The following MYCBP2 variants were observed in gnomAD, a reference collection of about 807,000 sequenced individuals.
MYCBP2 encodes the protein MYC binding protein 2.
MYCBP2 carries 120 observed loss-of-function variants against 525.3 expected under a neutral mutation model. The observed-to-expected ratio is 0.23, with a 90% CI of 0.20 to 0.27. The LOEUF (loss-of-function observed/expected upper bound fraction) is 0.27, where lower values mean the gene tolerates loss of function less well. MYCBP2 is among the 10% of genes least tolerant of loss of function. The pLI is 1.00. For missense variants in MYCBP2, 4,149 were observed against 5,657.1 expected, an observed-to-expected ratio of 0.73 and a Z score of 8.55; for synonymous variants, 1,894 against 1,955.8, an observed-to-expected ratio of 0.97 and a Z score of 0.83.
At chr13:77,064,810 C>T in intron 72 of MYCBP2, 76 bp from the exon 73 acceptor site, 1 of 1,312,456 alleles carries the variant, frequency 7.6e-7, no homozygotes, top group East Asian at 2.6e-5. Context: ...TCTTAAATAA[C>T]ATCTCCTATC....
At position 77,045,336 on chromosome 13, in the gene MYCBP2, T is replaced by A; in HGVS notation, c.*42A>T. ...AACTTCACCGCATCCTCTTGGGGGATGAAGGCAATTTTTCTCTCTGTAGAC... is the reference window on the plus strand; with the variant it reads ...AACTTCACCGCATCCTCTTGGGGGAAGAAGGCAATTTTTCTCTCTGTAGAC... On this transcript the variant is annotated 3_prime_UTR_variant, in exon 83 of 83. Transcript: ENST00000544440. 6.9e-7 allele frequency: 1 copy of A among 1,456,798 alleles called. No homozygotes were observed. Among genetic ancestry groups the A allele is most frequent in the Non-Finnish European group, 9.6e-7 (1 of 1,040,284 alleles). 90.2% of individuals were successfully genotyped at this position (1,456,798 alleles called of 1,614,324 possible). A position where few individuals can be genotyped will look rare whatever the true frequency, so the allele number is the denominator to read the frequency against.
intron 66 of MYCBP2, 77 bp from the exon 67 acceptor site, chr13:77,077,464 C>A (rs2042509673): frequency 2.6e-6 from 4 of 1,530,890 alleles, no homozygotes; most frequent in Non-Finnish European, 3.5e-6. Flanking sequence ...AGCATTGATA[C>A]CAGCAAGCTC....
chr13:77,136,138 G>A (rs1029396690), intron 52 of MYCBP2, among the ~76,000 whole-genome samples: 2 of 152,112 alleles, frequency 1.3e-5, no homozygotes, highest in African/African-American at 4.8e-5. Context: ...CTTTAACTTT[G>A]TGAGTCACAT....
At chr13:77,271,037 ATTTGT>A (rs1025574960) in intron 5 of MYCBP2, among the ~76,000 whole-genome samples, 9 of 151,538 alleles carry the variant, frequency 5.9e-5, no homozygotes, top group African/African-American at 2.2e-4. Context: ...TAGGAGTTCG[ATTTGT>A]TTTTTTTCCT....
intron 1 of MYCBP2, among the ~76,000 whole-genome samples, chr13:77,301,143 G>A (rs574962435): frequency 6.6e-6 from 1 of 151,550 alleles, no homozygotes; most frequent in Non-Finnish European, 1.5e-5. Flanking sequence ...GGCTGGGCGC[G>A]GTGGCTCACA....
intron 55 of MYCBP2, among the ~76,000 whole-genome samples, chr13:77,102,159 T>C (rs2047166915): frequency 6.6e-6 from 1 of 151,852 alleles, no homozygotes; most frequent in Non-Finnish European, 1.5e-5. Flanking sequence ...TCTTAAATTA[T>C]CAGGATCATA....
intron 1 of MYCBP2, among the ~76,000 whole-genome samples, chr13:77,319,494 C>T (rs2081341930): frequency 6.6e-6 from 1 of 152,086 alleles, no homozygotes; most frequent in Non-Finnish European, 1.5e-5. Flanking sequence ...TAGATTTTTC[C>T]TCTTACTGTA....
Position 77,057,101 on chromosome 13 carries a change from A to C in MYCBP2, c.13330-8T>G. 6.3e-7 allele frequency: 1 copy of C among 1,584,238 alleles called. No individual in the cohort carries two copies. The highest frequency in any genetic ancestry group is 8.7e-7 in the Non-Finnish European group (1 of 1,153,278). On this transcript the variant is annotated splice_region_variant and splice_polypyrimidine_tract_variant and intron_variant, in intron 78 of 82. Transcript: ENST00000544440. Reference sequence around the variant, plus strand: ...TATGTGACTACAATCCAGCTTAAATAAACAAAAGAAAAGGACATAAGCAAA... The same window carrying C: ...TATGTGACTACAATCCAGCTTAAATCAACAAAAGAAAAGGACATAAGCAAA...
chr13:77,165,223 C>T (rs766945486), intron 42 of MYCBP2, 50 bp downstream of exon 42: 8 of 1,488,056 alleles, frequency 5.4e-6, no homozygotes, highest in Non-Finnish European at 7.5e-6. Context: ...CTCACTAGCC[C>T]TTAGAAACAC....
chr13:77,201,703 A>T lies in MYCBP2; in HGVS notation c.3843+3553T>A, dbSNP rs2062595613. ...ATTATAACAAACTGTCTCTCAGACC[A>T]CAGTGCAATCAAACTAGAACTCAGG... On this transcript the variant is annotated intron_variant, in intron 26 of 82. Transcript: ENST00000544440. Among the ~76,000 whole-genome samples the T allele has an allele frequency of 2.6e-5, 4 of 152,200 alleles. 1 individual carries two copies. The highest frequency in any genetic ancestry group is 4.2e-4 in the South Asian group (2 of 4,814).
chr13:77,155,366 C>T (rs937237440), intron 46 of MYCBP2, among the ~76,000 whole-genome samples: 1 of 152,104 alleles, frequency 6.6e-6, no homozygotes, highest in African/African-American at 2.4e-5. Context: ...TTCAAACAAC[C>T]AATCACTCTA....
intron 14 of MYCBP2, among the ~76,000 whole-genome samples, chr13:77,254,375 A>AT (rs890018120): frequency 4.0e-5 from 6 of 151,476 alleles, no homozygotes; most frequent in African/African-American, 1.5e-4. Context: ...CTTATCTGTG[A>AT]TTTTTTTTTA....
chr13:77,165,909 A>C (rs2058470626), intron 41 of MYCBP2, among the ~76,000 whole-genome samples: 1 of 152,204 alleles, frequency 6.6e-6, no homozygotes, highest in Non-Finnish European at 1.5e-5. Context: ...TTTAAAACAT[A>C]GTTTCTCTTC....
chr13:77,165,145 G>A, intron 42 of MYCBP2, 128 bp downstream of exon 42: 1 of 715,688 alleles, frequency 1.4e-6, no homozygotes, highest in African/African-American at 1.8e-5. Flanking sequence ...ACAGGTGTGA[G>A]CCACTGCACC....
chr13:77,062,128 A>G (rs1025635684), intron 74 of MYCBP2, among the ~76,000 whole-genome samples: 1 of 152,222 alleles, frequency 6.6e-6, no homozygotes. Flanking sequence ...CTTGAACATT[A>G]ATAAGAAAAT....
intron 32 of MYCBP2, among the ~76,000 whole-genome samples, chr13:77,183,615 A>C (rs1286564346): frequency 7.8e-6 from 1 of 128,416 alleles, no homozygotes; most frequent in Non-Finnish European, 1.5e-5. Flanking sequence ...GCAGTGGCAC[A>C]ATCTTGCCTC....
intron 21 of MYCBP2, among the ~76,000 whole-genome samples, chr13:77,213,826 G>C (rs2064390176): frequency 6.6e-6 from 1 of 152,200 alleles, no homozygotes. Context: ...ATCTATATGT[G>C]ACTCAAACCT....
intron 55 of MYCBP2, among the ~76,000 whole-genome samples, chr13:77,107,406 G>A (rs2048013814): frequency 6.6e-6 from 1 of 152,136 alleles, no homozygotes; most frequent in Admixed American, 6.6e-5. Flanking sequence ...ATAATTAAGT[G>A]TGATTTTACT....
intron 17 of MYCBP2, among the ~76,000 whole-genome samples, chr13:77,234,572 C>T (rs1356993662): frequency 2.0e-5 from 3 of 151,936 alleles, no homozygotes; most frequent in Non-Finnish European, 2.9e-5. Context: ...TCTATGACTA[C>T]TACAGATAGA....
Sources: allele counts gnomAD v4.1 joint callset (sites outside exome capture counted in the v4.1 genomes callset), GRCh38; gene constraint gnomAD v4.1.1; transcripts MANE v1.5; gene names NCBI Gene and HGNC (gene_info 2026-07-23, HGNC 2026-07-21).